CNTNAP2: variants seen among roughly 807,000 people sequenced by gnomAD.
CNTNAP2 encodes contactin-associated protein-like 2.
CNTNAP2 carries 98 observed loss-of-function variants against 155.2 expected under a neutral mutation model. That is an observed-to-expected ratio of 0.63 (90% confidence interval 0.54 to 0.75). The LOEUF is 0.75. CNTNAP2 is among the 30% of genes least tolerant of loss of function. The pLI is 0.00. For synonymous variants in CNTNAP2, 651 were observed against 631.2 expected (o/e 1.03, Z -0.47); for missense variants, 1,727 against 1,688.1 (o/e 1.02, Z -0.40).
At chr7:147,954,149 G>A (rs1800982125) in intron 14 of CNTNAP2, among the ~76,000 whole-genome samples, 1 of 152,128 alleles carries the variant, frequency 6.6e-6, no homozygotes, top group South Asian at 2.1e-4. Context: ...TGCTTGTCCA[G>A]TGTACTATGG....
chr7:148,363,418 A>G (rs1283846121), intron 21 of CNTNAP2, among the ~76,000 whole-genome samples: 1 of 151,108 alleles, frequency 6.6e-6, no homozygotes, highest in Admixed American at 6.6e-5. Flanking sequence ...TATTCTGACA[A>G]TATACAAGAC....
chr7:147,150,188 A>G (rs1421974957), intron 8 of CNTNAP2, among the ~76,000 whole-genome samples: 1 of 152,160 alleles, frequency 6.6e-6, no homozygotes. Flanking sequence ...TGGCATTGGT[A>G]TTGGAAGCCA....
At chr7:148,339,468 C>T (rs983591100) in intron 21 of CNTNAP2, 1 of 152,200 alleles carries the variant, frequency 6.6e-6, no homozygotes, top group African/African-American at 2.4e-5. Context: ...TTCAGTGGTG[C>T]GGGGTTTGAT....
chr7:148,018,259 G>A (rs1487317204), intron 15 of CNTNAP2, among the ~76,000 whole-genome samples: 1 of 152,126 alleles, frequency 6.6e-6, no homozygotes, highest in East Asian at 1.9e-4. Flanking sequence ...CATCCCAGGT[G>A]GTTTATGGGG....
intron 8 of CNTNAP2, among the ~76,000 whole-genome samples, chr7:147,150,352 T>C (rs1343427168): frequency 6.6e-6 from 1 of 151,710 alleles, no homozygotes; most frequent in Middle Eastern, 3.2e-3. Flanking sequence ...ACTCAAAGAG[T>C]ACTGAAAGGA....
At chr7:147,571,362 T>C (rs1800288052) in intron 12 of CNTNAP2, among the ~76,000 whole-genome samples, 1 of 148,126 alleles carries the variant, frequency 6.8e-6, no homozygotes, top group Non-Finnish European at 1.5e-5. Context: ...GATGAGTTCA[T>C]TTTTAATTCT....
chr7:146,193,012 T>C (rs1431529635), intron 1 of CNTNAP2, among the ~76,000 whole-genome samples: 2 of 152,184 alleles, frequency 1.3e-5, no homozygotes, highest in African/African-American at 4.8e-5. Context: ...CAGTCAAATC[T>C]TAAAGCTCCA....
In CNTNAP2 at chr7:148,109,663, CG is replaced by C. The variant is rs1410044048; in HGVS notation, c.2384-8454del. On this transcript the variant is annotated intron_variant, in intron 15 of 23. Transcript: ENST00000361727. The stretch of plus-strand genomic sequence containing the variant: ...CCTCCCAAAGTGCTGGGATTACAGG[CG>C]TTGAGATTCTATTTCTGTAACTGGG... Among the ~76,000 whole-genome samples the C allele has an allele frequency of 6.0e-5, 7 of 117,424 alleles. 1 individual carries two copies. Among genetic ancestry groups the C allele is most frequent in the Admixed American group, 5.1e-4 (6 of 11,826 alleles). 77.0% of individuals were successfully genotyped at this position (117,424 alleles called of 152,430 possible).
At chr7:146,637,025 T>A (rs1799611196) in intron 1 of CNTNAP2, among the ~76,000 whole-genome samples, 1 of 152,192 alleles carries the variant, frequency 6.6e-6, no homozygotes, top group South Asian at 2.1e-4. Flanking sequence ...AATATGGTAT[T>A]CACAATTTGG....
At chr7:148,157,037 G>T (rs1229441278) in intron 17 of CNTNAP2, among the ~76,000 whole-genome samples, 2 of 152,132 alleles carry the variant, frequency 1.3e-5, no homozygotes, top group Non-Finnish European at 2.9e-5. Flanking sequence ...AAGGTGAACG[G>T]CTGTGTAGCT....
chr7:146,512,567 C>CT (rs1414679346), intron 1 of CNTNAP2, among the ~76,000 whole-genome samples: 2 of 150,622 alleles, frequency 1.3e-5, no homozygotes, highest in African/African-American at 4.9e-5. Context: ...GAGCATGTTG[C>CT]TTAATTTTCA....
intron 15 of CNTNAP2, among the ~76,000 whole-genome samples, chr7:148,019,199 T>C (rs1802233899): frequency 6.6e-6 from 1 of 152,124 alleles, no homozygotes; most frequent in Non-Finnish European, 1.5e-5. Context: ...GCATTCACAT[T>C]CCCCCATAGT....
chr7:146,371,253 T>C (rs1030993625), intron 1 of CNTNAP2, among the ~76,000 whole-genome samples: 1 of 152,080 alleles, frequency 6.6e-6, no homozygotes, highest in Non-Finnish European at 1.5e-5. Flanking sequence ...CTTTTGCTAC[T>C]TTAACAACAT....
At chr7:146,792,989 A>C (rs1297477248) in intron 2 of CNTNAP2, among the ~76,000 whole-genome samples, 1 of 152,198 alleles carries the variant, frequency 6.6e-6, no homozygotes. Context: ...GCATGGAAAA[A>C]AACTAAAAAG....
At chr7:146,797,698 A>G (rs1341853337) in intron 2 of CNTNAP2, among the ~76,000 whole-genome samples, 1 of 152,228 alleles carries the variant, frequency 6.6e-6, no homozygotes, top group Non-Finnish European at 1.5e-5. Context: ...ATGCTGCAGA[A>G]CAAGCTACCA....
chr7:146,928,732 C>T (rs760369405), intron 3 of CNTNAP2, among the ~76,000 whole-genome samples: 1 of 152,226 alleles, frequency 6.6e-6, no homozygotes, highest in Non-Finnish European at 1.5e-5. Flanking sequence ...CACTCCCACC[C>T]TAATACTGTG....
chr7:146,905,060 T>C (rs894170942), intron 3 of CNTNAP2, among the ~76,000 whole-genome samples: 1 of 152,096 alleles, frequency 6.6e-6, no homozygotes, highest in Non-Finnish European at 1.5e-5. Flanking sequence ...TGGGAGATTG[T>C]CCTCTGCATT....
intron 8 of CNTNAP2, among the ~76,000 whole-genome samples, chr7:147,280,571 CA>C (rs1007024441): frequency 1.3e-5 from 2 of 151,806 alleles, no homozygotes; most frequent in African/African-American, 4.8e-5. Flanking sequence ...AAAAGCCACA[CA>C]AAGTTTAACT....
chr7:148,138,069 C>T (rs1011166832), intron 16 of CNTNAP2, among the ~76,000 whole-genome samples: 9 of 152,180 alleles, frequency 5.9e-5, no homozygotes, highest in Admixed American at 2.0e-4. Context: ...TACAACCTAT[C>T]GGCAGAGTCA....
Sources: allele counts gnomAD v4.1 joint callset (sites outside exome capture counted in the v4.1 genomes callset), GRCh38; gene constraint gnomAD v4.1.1; transcripts MANE v1.5; gene names NCBI Gene and HGNC (gene_info 2026-07-23, HGNC 2026-07-21).